Variants in SLC45A4 observed in about 807,000 individuals in gnomAD.
SLC45A4 encodes solute carrier family 45 member 4.
A neutral mutation model predicts 63.7 loss-of-function variants in SLC45A4; 32 were observed. The observed-to-expected ratio is 0.50, with a 90% CI of 0.38 to 0.67. The LOEUF is 0.67. SLC45A4 is among the 30% of genes least tolerant of loss of function. The pLI, the probability that SLC45A4 is intolerant of heterozygous loss-of-function variation, is 0.00. For synonymous variants in SLC45A4, 535 were observed against 510.0 expected (o/e 1.05, Z -0.66); for missense variants, 1,027 against 1,157.7 (o/e 0.89, Z 1.64).
chr8:141,212,145 C>CCCGGG, intron 8 of SLC45A4, 52 bp downstream of exon 8: 4 of 955,994 alleles, frequency 4.2e-6, no homozygotes, highest in East Asian at 6.2e-5. Context: ...GCCGCCCGCC[C>CCCGGG]GCCCGCCCAC....
intron 6 of SLC45A4, 85 bp from the exon 7 acceptor site, chr8:141,216,055 C>T: frequency 8.2e-7 from 1 of 1,226,660 alleles, no homozygotes; most frequent in Non-Finnish European, 1.1e-6. Flanking sequence ...CCCTCGCCCC[C>T]CACATCCCCC....
rs1210416041 is a variant in SLC45A4 at position 141,256,746 on chromosome 8, G to T, written c.-400-2117C>A. On this transcript the variant is annotated intron_variant, in intron 1 of 8. Transcript: ENST00000517878. The surrounding 1 kb of genome is among the most constrained non-coding windows in gnomAD (Gnocchi z 4.3). ...TACGATTCCACACGACAGCCCTCGA[G>T]AATTCTTTCAAGTTTTCCAAATGTC... 2.5e-6 allele frequency: 1 copy of T among 399,670 alleles called. No homozygotes were observed. Among genetic ancestry groups the T allele is most frequent in the Non-Finnish European group, 5.2e-6 (1 of 193,072 alleles). 24.8% of individuals were successfully genotyped at this position (399,670 alleles called of 1,614,324 possible). A position where few individuals can be genotyped will look rare whatever the true frequency, so the allele number is the denominator to read the frequency against.
rs561196597 is a variant in SLC45A4 at position 141,278,079 on chromosome 8, A to G, written c.-400-23450T>C. 2.0e-5 allele frequency: 3 copies of G among 152,418 alleles called. No homozygotes were observed. Among genetic ancestry groups the G allele is most frequent in the South Asian group, 2.1e-4 (1 of 4,864 alleles). The allele number at this position is 152,418 out of a possible 1,614,324, so 9.4% of individuals were successfully genotyped here. On this transcript the variant is annotated intron_variant, in intron 1 of 8. Transcript: ENST00000517878. This position sits in a 1 kb window ranked among gnomAD's most constrained non-coding sequence, Gnocchi z 4.1. ...GCATGCCAACATCCATGTCCGACTT[A>G]TAAGTCACTGTTTTAAATACAGCAC... is the stretch of plus-strand genomic sequence containing the variant.
At chr8:141,285,736 C>G (rs756782456) in intron 1 of SLC45A4, among the ~76,000 whole-genome samples, 1 of 152,200 alleles carries the variant, frequency 6.6e-6, no homozygotes, top group South Asian at 2.1e-4. Flanking sequence ...AGCACGACAC[C>G]GGGCAGGGGT....
At chr8:141,295,239 G>C (rs767681463) in intron 1 of SLC45A4, among the ~76,000 whole-genome samples, 2 of 152,170 alleles carry the variant, frequency 1.3e-5, no homozygotes, top group African/African-American at 2.4e-5. Context: ...GACCACACCT[G>C]CTTTATGGGT....
chr8:141,253,383 C>T (rs887743804), intron 2 of SLC45A4: 6 of 208,822 alleles, frequency 2.9e-5, no homozygotes, highest in Non-Finnish European at 3.9e-5. Context: ...CTGTGAATTT[C>T]CATGCTTTTG....
chr8:141,292,895 CT>C (rs1830407488), intron 1 of SLC45A4: 1 of 152,260 alleles, frequency 6.6e-6, no homozygotes. Context: ...AACCATCAGC[CT>C]TGAAGCTGGC....
intron 1 of SLC45A4, among the ~76,000 whole-genome samples, chr8:141,279,287 G>A (rs1829848868): frequency 6.6e-6 from 1 of 152,234 alleles, no homozygotes; most frequent in Non-Finnish European, 1.5e-5. Context: ...CCAGGTGAAG[G>A]AAACGGCTCT....
At position 141,302,993 on chromosome 8, in the gene SLC45A4, CTTTTTTT is replaced by C. The variant is rs55974270; in HGVS notation, c.-401+5096_-401+5102del. 6.2e-5 allele frequency among the ~76,000 whole-genome samples: 6 copies of C among 97,258 alleles called. No individual in the cohort carries two copies. The East Asian group carries it at 1.3e-3, about 20-fold the overall frequency. The allele number at this position is 97,258 out of a possible 152,430, so 63.8% of individuals were successfully genotyped here. The stretch of plus-strand genomic sequence containing the variant: ...TTCTTGTTTTCTGGCCTTACAATGT[CTTTTTTT>C]TTTTTTTTTTTTGAGACAGGGTCTC... On this transcript the variant is annotated intron_variant, in intron 1 of 8. Coordinates refer to ENST00000517878, the MANE Select transcript of SLC45A4 (RefSeq NM_001286646.2).
At position 141,221,619 on chromosome 8, in the gene SLC45A4, C is replaced by G. The variant is rs143343120; in HGVS notation, c.388G>C (p.Val130Leu). ...RPFILALCVG[V>L]LFGVALFLNG... ...AGGAAAAGTGCAACGCCAAAGAGGA[C>G]GCCAACGCAGAGGGCGAGGATGAAG... The change falls in exon 3 of 9, where the codon GTC becomes CTC. Residue 130 changes from valine to leucine, a missense_variant. Coordinates refer to ENST00000517878, the MANE Select transcript of SLC45A4 (RefSeq NM_001286646.2). 1 of 1,613,878 alleles carries G rather than the reference C, an allele frequency of 6.2e-7. No homozygotes were observed. Among genetic ancestry groups the G allele is most frequent in the East Asian group, 2.2e-5 (1 of 44,878 alleles).
rs1826077075 is a variant in SLC45A4, at chr8:141,215,356, T to C, written c.1941+403A>G. Among the ~76,000 whole-genome samples, 1 of 152,222 alleles carries C rather than the reference T, an allele frequency of 6.6e-6. No homozygotes were observed. The highest frequency in any genetic ancestry group is 2.4e-5 in the African/African-American group (1 of 41,464). ...AATATGCTATGAAAATGGCCTTCAC[T>C]GGCCTTTTCACTTTCTAAACGTGGC... is the stretch of plus-strand genomic sequence containing the variant. On this transcript the variant is annotated intron_variant, in intron 7 of 8. Transcript: ENST00000517878. This position sits in a 1 kb window ranked among gnomAD's most constrained non-coding sequence, Gnocchi z 4.3.
In SLC45A4 at chr8:141,218,867, T is replaced by C; in HGVS notation, c.773A>G (p.Tyr258Cys). ...LHLFSIDEEQ[Y>C]SPQQERSAEE... is the part of the protein sequence containing the mutation. Reference sequence around the variant, plus strand: ...AGCGCTGCGCTCCTGCTGCGGGCTGTACTGCTCCTCGTCGATGCTGAACAG... The same window carrying C: ...AGCGCTGCGCTCCTGCTGCGGGCTGCACTGCTCCTCGTCGATGCTGAACAG... The change falls in exon 5 of 9, where the codon TAC (tyrosine) becomes TGC (cysteine). Residue 258 changes from tyrosine to cysteine, a missense_variant. Physicochemically the swap from Tyr to Cys is radical, Grantham distance 194. Coordinates refer to ENST00000517878, the MANE Select transcript of SLC45A4 (RefSeq NM_001286646.2). 1 of 1,613,524 alleles carries C rather than the reference T, an allele frequency of 6.2e-7. No individual in the cohort carries two copies. The highest frequency in any genetic ancestry group is 8.5e-7 in the Non-Finnish European group (1 of 1,179,912).
At chr8:141,257,211 A>T (rs771541152) in intron 1 of SLC45A4, among the ~76,000 whole-genome samples, 4 of 152,228 alleles carry the variant, frequency 2.6e-5, no homozygotes, top group Non-Finnish European at 5.9e-5. Flanking sequence ...CCCAGGTTTA[A>T]TAAGGACCAA....
chr8:141,225,639 C>T (rs1826934762), intron 2 of SLC45A4: 1 of 152,650 alleles, frequency 6.6e-6, no homozygotes, highest in South Asian at 2.1e-4. Flanking sequence ...GACGCTGGGT[C>T]CGGAGCAGCC....
chr8:141,217,069 C>T (rs769216525), intron 6 of SLC45A4, 21 bp downstream of exon 6: 8 of 1,612,574 alleles, frequency 5.0e-6, no homozygotes. Flanking sequence ...CGAGTGCTGA[C>T]CTGACTTGGG....
In SLC45A4 at chr8:141,228,422, G is replaced by A. The variant is rs902635033; in HGVS notation, c.242-6657C>T. The stretch of plus-strand genomic sequence containing the variant: ...GACGCTGGCGCTCCAGAAAGCCAGC[G>A]GGAACATTCCGCAGCTGCTGTCCTG... On this transcript the variant is annotated intron_variant, in intron 2 of 8. Transcript: ENST00000517878. 31 of 1,427,370 alleles carry A rather than the reference G, an allele frequency of 2.2e-5. No homozygotes were observed. In the South Asian group the frequency reaches 3.6e-4, roughly 16 times the overall value. 88.4% of individuals were successfully genotyped at this position (1,427,370 alleles called of 1,614,324 possible).
Position 141,215,797 on chromosome 8 carries a change from G to C in SLC45A4, c.1903C>G (p.Pro635Ala). Residue 635 changes from proline (P) to alanine (A), a missense_variant, in exon 7 of 9, where the codon CCG (proline) becomes GCG (alanine). Pro to Ala is a conservative substitution (Grantham distance 27). Coordinates refer to ENST00000517878, the MANE Select transcript of SLC45A4 (RefSeq NM_001286646.2). This position sits in a 1 kb window ranked among gnomAD's most constrained non-coding sequence, Gnocchi z 4.3. ...GIVSMSISYCPYALLGQYHDI... is the reference protein window; with the variant it reads ...GIVSMSISYCAYALLGQYHDI... The stretch of plus-strand genomic sequence containing the variant: ...TGGTACTGGCCCAGCAGGGCGTACG[G>C]GCAGTAGGAGATGCTCATGGAGACG... 6.2e-7 allele frequency: 1 copy of C among 1,613,968 alleles called. No individual in the cohort carries two copies. Among genetic ancestry groups the C allele is most frequent in the Non-Finnish European group, 8.5e-7 (1 of 1,180,008 alleles).
Position 141,270,146 on chromosome 8 carries a change from G to A in SLC45A4, c.-400-15517C>T, listed in dbSNP as rs528533432. The stretch of plus-strand genomic sequence containing the variant: ...GACTACCTCTGGGTCCAGCACACAC[G>A]CAGCGCAGGCACCCAGATGGTCTTT... On this transcript the variant is annotated intron_variant, in intron 1 of 8. Transcript: ENST00000517878. 1.3e-4 allele frequency among the ~76,000 whole-genome samples: 20 copies of A among 152,148 alleles called. No homozygotes were observed. The East Asian group carries it at 3.9e-3, about 29-fold the overall frequency.
rs116893066 is a variant in SLC45A4 at position 141,268,419 on chromosome 8, A to G, written c.-400-13790T>C. On this transcript the variant is annotated intron_variant, in intron 1 of 8. Transcript: ENST00000517878. Reference sequence around the variant, plus strand: ...CCAACCTACTGGAGCTACAGCACCCAGAGTGGAGACCCTGACGTGACCTCC... The same window carrying G: ...CCAACCTACTGGAGCTACAGCACCCGGAGTGGAGACCCTGACGTGACCTCC... Among the ~76,000 whole-genome samples, 37 of 152,332 alleles carry G rather than the reference A, an allele frequency of 2.4e-4. 1 individual carries two copies. In the East Asian group the frequency reaches 7.1e-3, roughly 29 times the overall value.
Sources: gnomAD v4.1 joint callset for allele counts (sites outside exome capture counted in the v4.1 genomes callset) on GRCh38, gnomAD v4.1.1 for gene constraint, Gnocchi (gnomAD v3.1) non-coding constraint, MANE v1.5 for transcripts, NCBI Gene and HGNC (gene_info 2026-07-23, HGNC 2026-07-21) for gene names.